Variants in TRPC5 observed in about 807,000 individuals in gnomAD.
TRPC5 encodes the protein transient receptor potential cation channel subfamily C member 5, also known as short transient receptor potential channel 5.
A neutral mutation model predicts 56.5 loss-of-function variants in TRPC5; 9 were observed. The observed-to-expected ratio is 0.16, with a 90% CI of 0.10 to 0.28. TRPC5 has a LOEUF of 0.28. TRPC5 is among the 10% of genes least tolerant of loss of function. The probability of loss-of-function intolerance (pLI) is 1.00; values close to 1 mark genes in which losing one functional copy is unlikely to be tolerated. For synonymous variants in TRPC5, 282 were observed against 278.5 expected, an observed-to-expected ratio of 1.01 and a Z score of -0.13; for missense variants, 469 against 748.9, an observed-to-expected ratio of 0.63 and a Z score of 4.36.
chrX:111,848,872 T>C (rs1260051373), intron 5 of TRPC5, among the ~76,000 whole-genome samples: 1 of 112,102 alleles, frequency 8.9e-6, no homozygotes, highest in Non-Finnish European at 1.9e-5. Context: ...GTTATGCCTG[T>C]TTTACAAATG....
intron 1 of TRPC5, among the ~76,000 whole-genome samples, chrX:112,007,973 C>T: frequency 8.9e-6 from 1 of 111,807 alleles, no homozygotes; most frequent in East Asian, 2.8e-4. Flanking sequence ...AGCCACCGTA[C>T]ATCCTGCTGG....
intron 1 of TRPC5, among the ~76,000 whole-genome samples, chrX:111,968,792 A>AG (rs1927686463): frequency 1.2e-5 from 1 of 83,165 alleles, no homozygotes; most frequent in Non-Finnish European, 2.2e-5. Context: ...ACGTGGACAC[A>AG]GGAAGGGAAA....
intron 7 of TRPC5, among the ~76,000 whole-genome samples, chrX:111,823,594 G>A (rs914227534): frequency 9.0e-6 from 1 of 111,270 alleles, no homozygotes; most frequent in East Asian, 2.8e-4. Context: ...ATTAGGGGCA[G>A]AGTTGAGAAG....
intron 1 of TRPC5, among the ~76,000 whole-genome samples, chrX:111,972,985 C>G (rs1341108628): frequency 9.0e-6 from 1 of 111,474 alleles, no homozygotes; most frequent in African/African-American, 3.3e-5. Context: ...AATTTTTCCT[C>G]CAACATTAGA....
chrX:111,987,559 A>T (rs79353861), intron 1 of TRPC5, among the ~76,000 whole-genome samples: 1 of 110,865 alleles, frequency 9.0e-6, no homozygotes. Context: ...TTTTTTTTTT[A>T]GATTCCACAT....
At chrX:111,930,721 A>G (rs754005151) in intron 2 of TRPC5, 1 of 111,803 alleles carries the variant, frequency 8.9e-6, no homozygotes, top group South Asian at 3.8e-4. Context: ...GGTAGCTGCA[A>G]TTTGGTAGCT....
At chrX:111,872,367 G>T (rs1323045835) in intron 3 of TRPC5, among the ~76,000 whole-genome samples, 1 of 111,999 alleles carries the variant, frequency 8.9e-6, no homozygotes, top group Non-Finnish European at 1.9e-5. Flanking sequence ...GGATGGTGAG[G>T]TAGGGGAGGA....
chrX:111,947,110 C>T (rs1926951110), intron 2 of TRPC5, among the ~76,000 whole-genome samples: 1 of 111,249 alleles, frequency 9.0e-6, no homozygotes, highest in African/African-American at 3.3e-5. Context: ...TCCTTCAGGC[C>T]CCTCCTTTCC....
At chrX:111,907,260 A>G (rs1925661187) in intron 3 of TRPC5, among the ~76,000 whole-genome samples, 1 of 111,149 alleles carries the variant, frequency 9.0e-6, no homozygotes, top group Middle Eastern at 4.7e-3. Flanking sequence ...TAGCACACAT[A>G]AACTATATGC....
intron 1 of TRPC5, among the ~76,000 whole-genome samples, chrX:112,024,435 A>G (rs1325883156): frequency 9.0e-6 from 1 of 111,676 alleles, no homozygotes; most frequent in Admixed American, 9.5e-5. Context: ...GTCTTTTCCT[A>G]CCTGCAGACT....
chrX:111,965,825 G>T (rs1179005859), intron 1 of TRPC5, among the ~76,000 whole-genome samples: 4 of 111,348 alleles, frequency 3.6e-5, no homozygotes. Flanking sequence ...ATTCAAAGCA[G>T]TGTGTAGAGG....
At chrX:111,842,475 T>C (rs1922787523) in intron 6 of TRPC5, among the ~76,000 whole-genome samples, 1 of 111,253 alleles carries the variant, frequency 9.0e-6, no homozygotes, top group African/African-American at 3.3e-5. Flanking sequence ...ACATTTTGGG[T>C]TTAGAAACTT....
chrX:111,863,764 T>C (rs1334040289), intron 3 of TRPC5, among the ~76,000 whole-genome samples: 4 of 111,853 alleles, frequency 3.6e-5, no homozygotes, highest in African/African-American at 1.3e-4. Context: ...AGATGGCCTT[T>C]ATCAGGCTGA....
chrX:111,968,744 A>G (rs1288093749), intron 1 of TRPC5, among the ~76,000 whole-genome samples: 2 of 99,524 alleles, frequency 2.0e-5, no homozygotes, highest in Non-Finnish European at 4.0e-5. Flanking sequence ...CAAACACTGC[A>G]TGTTCTGACT....
intron 3 of TRPC5, among the ~76,000 whole-genome samples, chrX:111,880,703 G>A (rs1470026401): frequency 8.9e-6 from 1 of 112,346 alleles, no homozygotes; most frequent in Non-Finnish European, 1.9e-5. Context: ...ACTAGGAGGT[G>A]TATGTATATA....
intron 3 of TRPC5, among the ~76,000 whole-genome samples, chrX:111,907,452 C>T (rs1925667107): frequency 9.1e-6 from 1 of 109,711 alleles, no homozygotes. Context: ...ATGGTAAAAC[C>T]TGTCTCTACT....
In TRPC5 at chrX:111,934,962, T is replaced by C. The variant is rs749964694; in HGVS notation, c.378+17081A>G. ...TGAAGATATTTCTTCAGTGTACTGA[T>C]TTCCTTTCTTTTGGACATATACCTA... On this transcript the variant is annotated intron_variant, in intron 2 of 10. Transcript: ENST00000262839. Among the ~76,000 whole-genome samples the C allele has an allele frequency of 5.3e-5, 6 of 112,318 alleles. No individual in the cohort carries two copies. In the East Asian group the frequency reaches 1.4e-3, roughly 26 times the overall value.
At chrX:111,986,891 C>G (rs1197656835) in intron 1 of TRPC5, among the ~76,000 whole-genome samples, 3 of 111,634 alleles carry the variant, frequency 2.7e-5, no homozygotes, top group African/African-American at 6.5e-5. Context: ...AGATAAAGGT[C>G]TCCTTCAGGG....
intron 1 of TRPC5, among the ~76,000 whole-genome samples, chrX:111,985,389 A>G (rs1489153561): frequency 8.9e-6 from 1 of 112,007 alleles, no homozygotes; most frequent in Non-Finnish European, 1.9e-5. Context: ...AGTGGACCAC[A>G]TTGATATTTT....
Sources: allele counts gnomAD v4.1 joint callset (sites outside exome capture counted in the v4.1 genomes callset), GRCh38; gene constraint gnomAD v4.1.1; transcripts MANE v1.5; gene names NCBI Gene and HGNC (gene_info 2026-07-23, HGNC 2026-07-21).